EXOC1: variants seen among roughly 807,000 people sequenced by gnomAD.
EXOC1 encodes the protein exocyst complex component 1, also known as SEC3-like 1.
In EXOC1, 67 loss-of-function variants were observed where a neutral mutation model predicts 107.7. The observed-to-expected ratio is 0.62, with a 90% confidence interval of 0.51 to 0.76. The LOEUF (loss-of-function observed/expected upper bound fraction) is 0.76, where lower values mean the gene tolerates loss of function less well. Among genes scored for constraint, EXOC1 ranks in the 30% least tolerant of loss-of-function variants. The pLI is 0.00. For synonymous variants in EXOC1, 348 were observed against 353.5 expected, an observed-to-expected ratio of 0.98 and a Z score of 0.17; for missense variants, 833 against 1,055.7, an observed-to-expected ratio of 0.79 and a Z score of 2.92.
intron 8 of EXOC1, among the ~76,000 whole-genome samples, chr4:55,872,514 A>T (rs923151074): frequency 6.6e-5 from 10 of 152,204 alleles, no homozygotes; most frequent in African/African-American, 1.7e-4. Context: ...AATAATATTA[A>T]GAGTACCTTT....
intron 5 of EXOC1, among the ~76,000 whole-genome samples, chr4:55,869,857 C>T (rs1032470023): frequency 3.9e-5 from 6 of 152,174 alleles, no homozygotes; most frequent in African/African-American, 7.2e-5. Context: ...TACCATGTTA[C>T]TTGCCTTCTT....
intron 1 of EXOC1, among the ~76,000 whole-genome samples, chr4:55,854,704 T>G (rs1720798768): frequency 6.6e-6 from 1 of 152,232 alleles, no homozygotes; most frequent in South Asian, 2.1e-4. Context: ...GTATGCCCAA[T>G]CCTGTCTTGT....
At chr4:55,860,263 C>T (rs1373627232) in intron 2 of EXOC1, 148 bp from the exon 3 acceptor site, 2 of 819,500 alleles carry the variant, frequency 2.4e-6, no homozygotes, top group Non-Finnish European at 1.8e-6. Flanking sequence ...GGATTCTGTG[C>T]TTTCCTCGGT....
chr4:55,856,052 A>G (rs1311265865), intron 1 of EXOC1, among the ~76,000 whole-genome samples: 4 of 152,190 alleles, frequency 2.6e-5, no homozygotes, highest in African/African-American at 7.2e-5. Flanking sequence ...GGAGAGTAAT[A>G]AGGATTTACA....
rs147825543 is a variant in EXOC1 at position 55,868,368 on chromosome 4, A to G, written c.448A>G (p.Thr150Ala). 1.5e-4 allele frequency: 248 copies of G among 1,613,384 alleles called. 1 individual carries two copies. The African/African-American group carries it at 2.8e-3, about 18-fold the overall frequency. ...TCCAAGTGGAGAAAATCAGAGTGTGACAGGAGGTGATGAAGAAGTAGTAGA... is the reference window on the plus strand; with the variant it reads ...TCCAAGTGGAGAAAATCAGAGTGTGGCAGGAGGTGATGAAGAAGTAGTAGA... ...SVPSGENQSV[T>A]GGDEEVVDEY... The change falls in exon 5 of 19, where the codon ACA becomes GCA. Residue 150 changes from threonine (T) to alanine (A), a missense_variant. Physicochemically the swap from Thr to Ala is moderately conservative, Grantham distance 58. This residue lies in a region of EXOC1 where 617 missense variants were observed against 701.3 expected (regional missense o/e 0.88). Transcript: ENST00000381295.
chr4:55,877,427 A>C, intron 8 of EXOC1: 1 of 985,376 alleles, frequency 1.0e-6, no homozygotes, highest in Non-Finnish European at 1.2e-6. Context: ...CAGATGACCA[A>C]GGTTCCAATT....
At chr4:55,892,742 TGG>T (rs762749206) in intron 14 of EXOC1, 31 bp downstream of exon 14, 3 of 1,609,482 alleles carry the variant, frequency 1.9e-6, no homozygotes, top group Non-Finnish European at 2.6e-6. Flanking sequence ...TTGTTTATTT[TGG>T]AAAAAATAAA....
At chr4:55,859,091 C>T (rs764421339) in intron 2 of EXOC1, among the ~76,000 whole-genome samples, 1 of 152,156 alleles carries the variant, frequency 6.6e-6, no homozygotes, top group Non-Finnish European at 1.5e-5. Flanking sequence ...TTCTGGTTGT[C>T]ATCTTATATG....
chr4:55,882,396 T>C (rs1723486108), intron 9 of EXOC1, among the ~76,000 whole-genome samples: 1 of 152,196 alleles, frequency 6.6e-6, no homozygotes, highest in African/African-American at 2.4e-5. Flanking sequence ...AGTAAAACCT[T>C]CCTGTGGTCT....
At chr4:55,881,247 T>G (rs1309011533) in intron 9 of EXOC1, among the ~76,000 whole-genome samples, 1 of 152,132 alleles carries the variant, frequency 6.6e-6, no homozygotes, top group African/African-American at 2.4e-5. Context: ...GTCATACATG[T>G]AGGGTAGTTA....
chr4:55,868,847 G>A (rs910888138), intron 5 of EXOC1: 3 of 197,754 alleles, frequency 1.5e-5, no homozygotes, highest in Non-Finnish European at 3.1e-5. Flanking sequence ...ATAGTTCAGT[G>A]CCAAAGAATA....
At chr4:55,863,179 C>T (rs1721636435) in intron 3 of EXOC1, among the ~76,000 whole-genome samples, 2 of 152,088 alleles carry the variant, frequency 1.3e-5, no homozygotes, top group Non-Finnish European at 2.9e-5. Flanking sequence ...GGATTACAGG[C>T]GTGAGCTACC....
At position 55,883,906 on chromosome 4, in the gene EXOC1, A is replaced by G; in HGVS notation, c.1308A>G (p.Thr436=). The part of the protein sequence containing the change: ...FEVAKIKMTG[T]TKESKKFATL... ...TTGCAAAGATCAAGATGACTGGCAC[A>G]ACTAAAGAAAGCAAGAAGTTTGGTA... The change falls in exon 10 of 19, where the codon ACA becomes ACG. Residue 436 remains threonine, a synonymous_variant. Coordinates refer to ENST00000381295, the MANE Select transcript of EXOC1 (RefSeq NM_001024924.2). 1 of 1,605,026 alleles carries G rather than the reference A, an allele frequency of 6.2e-7. No homozygotes were observed. Among genetic ancestry groups the G allele is most frequent in the South Asian group, 1.1e-5 (1 of 88,488 alleles).
At position 55,877,940 on chromosome 4, in the gene EXOC1, T is replaced by A. The variant is rs1433961630; in HGVS notation, c.1098T>A (p.Leu366=). The A allele has an allele frequency of 7.4e-6, 12 of 1,613,746 alleles. No individual in the cohort carries two copies. The African/African-American group carries it at 1.5e-4, about 20-fold the overall frequency. Residue 366 remains leucine, a synonymous_variant, in exon 9 of 19, where the codon CTT becomes CTA. Transcript: ENST00000381295. ...VQQGHDQSST[L]AQHSVELTLP... is the part of the protein sequence containing the mutation. ...AGGGTCATGATCAGAGTTCGACTCTTGCCCAACACTCTGTTGAACTGACTT... is the reference window on the plus strand; with the variant it reads ...AGGGTCATGATCAGAGTTCGACTCTAGCCCAACACTCTGTTGAACTGACTT...
In EXOC1 at chr4:55,871,122, G is replaced by A; in HGVS notation, c.853G>A (p.Gly285Ser). Reference protein sequence around the residue: ...FLVNHMDLAKGHIKALQEGDL... With the variant: ...FLVNHMDLAKSHIKALQEGDL... ...CTAGAACCACATGGACTTGGCCAAA[G>A]GTCATATAAAGGCCCTTCAGGAAGG... Residue 285 changes from glycine to serine, a missense_variant, in exon 7 of 19, where the codon GGT becomes AGT. By Grantham distance (56) the Gly-to-Ser change is moderately conservative (BLOSUM62 0). Around this residue, in one of 2 missense-constraint regions of EXOC1, gnomAD observed 617 missense variants for 701.3 expected, o/e 0.88. Transcript: ENST00000381295. The A allele has an allele frequency of 6.2e-7, 1 of 1,613,876 alleles. No individual in the cohort carries two copies. Among genetic ancestry groups the A allele is most frequent in the Non-Finnish European group, 8.5e-7 (1 of 1,179,884 alleles).
Position 55,857,644 on chromosome 4 carries a change from GA to G in EXOC1, c.-10-669del, listed in dbSNP as rs1222280713. 3.3e-5 allele frequency among the ~76,000 whole-genome samples: 5 copies of G among 152,094 alleles called. No individual in the cohort carries two copies. The East Asian group carries it at 9.7e-4, about 29-fold the overall frequency. On this transcript the variant is annotated intron_variant, in intron 1 of 18. Transcript: ENST00000381295. ...TGGACATATGTTTTCAGTTCTCCTG[GA>G]GTGGAATTGTTGGATTATAAGGTAG... is the stretch of plus-strand genomic sequence containing the variant.
intron 1 of EXOC1, among the ~76,000 whole-genome samples, chr4:55,856,653 A>G (rs1348050297): frequency 6.6e-6 from 1 of 152,222 alleles, no homozygotes; most frequent in Non-Finnish European, 1.5e-5. Flanking sequence ...GCTCACATGT[A>G]TGAAATACTA....
At chr4:55,901,558 A>G (rs982620695) in intron 17 of EXOC1, among the ~76,000 whole-genome samples, 1 of 152,152 alleles carries the variant, frequency 6.6e-6, no homozygotes, top group African/African-American at 2.4e-5. Flanking sequence ...ACTAAAATCA[A>G]TAAGAAAAGC....
At chr4:55,878,541 C>A (rs1577724195) in intron 9 of EXOC1, among the ~76,000 whole-genome samples, 1 of 152,112 alleles carries the variant, frequency 6.6e-6, no homozygotes, top group East Asian at 1.9e-4. Context: ...ATACATAAAA[C>A]AATCAGCAAA....
Sources: gnomAD v4.1 joint callset for allele counts (sites outside exome capture counted in the v4.1 genomes callset) on GRCh38, gnomAD v4.1.1 for gene constraint, gnomAD v4.1.1 regional missense constraint, MANE v1.5 for transcripts, NCBI Gene and HGNC (gene_info 2026-07-23, HGNC 2026-07-21) for gene names.